DNAJB6: variants seen among roughly 807,000 people sequenced by gnomAD.
The protein encoded by DNAJB6 is dnaJ homolog subfamily B member 6.
In DNAJB6, 16 loss-of-function variants were observed where a neutral mutation model predicts 42.7. The ratio of observed to expected loss-of-function variants is 0.37; its 90% CI spans 0.25 to 0.57. The LOEUF is 0.57. Among genes scored for constraint, DNAJB6 ranks in the 20% least tolerant of loss-of-function variants. DNAJB6 has a pLI of 0.74. For synonymous variants in DNAJB6, 170 were observed against 163.5 expected, an observed-to-expected ratio of 1.04 and a Z score of -0.30; for missense variants, 347 against 416.8, an observed-to-expected ratio of 0.83 and a Z score of 1.46.
At chr7:157,363,728 A>G (rs1474773853) in intron 3 of DNAJB6, among the ~76,000 whole-genome samples, 1 of 152,198 alleles carries the variant, frequency 6.6e-6, no homozygotes, top group Non-Finnish European at 1.5e-5. Flanking sequence ...ACATACAGCT[A>G]AAATTTAGAT....
At chr7:157,351,369 C>G (rs372526379) in intron 1 of DNAJB6, among the ~76,000 whole-genome samples, 10 of 152,202 alleles carry the variant, frequency 6.6e-5, no homozygotes, top group Middle Eastern at 3.4e-3. Flanking sequence ...TGGCTCATGT[C>G]TGTAATCCCA....
At chr7:157,365,346 TG>T (rs1475435791) in intron 3 of DNAJB6, among the ~76,000 whole-genome samples, 1 of 152,192 alleles carries the variant, frequency 6.6e-6, no homozygotes, top group African/African-American at 2.4e-5. Flanking sequence ...AAGTAGCATT[TG>T]GAATGTAAGT....
At chr7:157,386,333 G>A (rs1034399956) in intron 8 of DNAJB6, 27 of 984,186 alleles carry the variant, frequency 2.7e-5, no homozygotes, top group Non-Finnish European at 3.3e-5. Flanking sequence ...GAGCTTTTTT[G>A]TGTCTGTGTA....
chr7:157,377,117 A>T (rs1800514079), intron 5 of DNAJB6, among the ~76,000 whole-genome samples: 1 of 152,230 alleles, frequency 6.6e-6, no homozygotes, highest in Non-Finnish European at 1.5e-5. Flanking sequence ...AATAGATGAC[A>T]AATGTTTCCT....
At chr7:157,390,370 A>G (rs1010025121) in intron 8 of DNAJB6, among the ~76,000 whole-genome samples, 4 of 152,200 alleles carry the variant, frequency 2.6e-5, no homozygotes, top group Admixed American at 2.6e-4. Flanking sequence ...AGTTGTTAAC[A>G]TCGCGTCCTT....
At chr7:157,338,151 C>G (rs1275819190) in intron 1 of DNAJB6, among the ~76,000 whole-genome samples, 2 of 152,134 alleles carry the variant, frequency 1.3e-5, no homozygotes, top group Admixed American at 1.3e-4. Flanking sequence ...GAGTGAAGAC[C>G]GAAGAAAGGA....
rs148965187 is a variant in DNAJB6, at chr7:157,411,387, GC to G, written c.898+1387del. ...TTCCCAGGATCCCTGCACTGAGCGGGCGTGGGGAAGGTTCCCAGGATCCCTG... is the reference window on the plus strand; with the variant it reads ...TTCCCAGGATCCCTGCACTGAGCGGGGTGGGGAAGGTTCCCAGGATCCCTG... On this transcript the variant is annotated intron_variant, in intron 9 of 9. Coordinates refer to ENST00000262177, the MANE Select transcript of DNAJB6 (RefSeq NM_058246.4). 237 of 146,466 alleles carry G rather than the reference GC, an allele frequency of 1.6e-3. 2 individuals are homozygous for G. The highest frequency in any genetic ancestry group is 5.5e-3 in the African/African-American group (215 of 39,134). The allele number at this position is 146,466 out of a possible 1,614,324, so 9.1% of individuals were successfully genotyped here. A position where few individuals can be genotyped will look rare whatever the true frequency, so the allele number is the denominator to read the frequency against.
intron 8 of DNAJB6, among the ~76,000 whole-genome samples, chr7:157,392,449 GT>G (rs1801394853): frequency 6.6e-6 from 1 of 151,268 alleles, no homozygotes; most frequent in South Asian, 2.1e-4. Flanking sequence ...GTGCGTGCGT[GT>G]GCCTGTTACA....
chr7:157,373,509 C>T (rs188452024), intron 5 of DNAJB6, among the ~76,000 whole-genome samples: 1 of 152,276 alleles, frequency 6.6e-6, no homozygotes, highest in East Asian at 1.9e-4. Context: ...CACCACCACA[C>T]CTGGCTAATG....
At chr7:157,411,981 G>A (rs1795991794) in intron 9 of DNAJB6, 2 of 152,214 alleles carry the variant, frequency 1.3e-5, no homozygotes, top group African/African-American at 2.4e-5. Context: ...GTTTCTGCCC[G>A]GATCCTCTTT....
At chr7:157,351,057 C>G (rs1323861703) in intron 1 of DNAJB6, among the ~76,000 whole-genome samples, 1 of 152,020 alleles carries the variant, frequency 6.6e-6, no homozygotes, top group Non-Finnish European at 1.5e-5. Flanking sequence ...GCCTCAGCCT[C>G]CTGAGTAGCT....
intron 1 of DNAJB6, among the ~76,000 whole-genome samples, chr7:157,348,302 C>T (rs1798792088): frequency 6.6e-6 from 1 of 152,162 alleles, no homozygotes; most frequent in Non-Finnish European, 1.5e-5. Flanking sequence ...CCATGTTGGC[C>T]AGGCTGGTCT....
In DNAJB6 at chr7:157,416,606, C is replaced by T. The variant is rs1218163075; in HGVS notation, c.*508C>T. 6.5e-6 allele frequency: 1 copy of T among 153,366 alleles called. No homozygotes were observed. Among genetic ancestry groups the T allele is most frequent in the African/African-American group, 2.4e-5 (1 of 41,492 alleles). 9.5% of individuals were successfully genotyped at this position (153,366 alleles called of 1,614,324 possible). A position where few individuals can be genotyped will look rare whatever the true frequency, so the allele number is the denominator to read the frequency against. On this transcript the variant is annotated 3_prime_UTR_variant, in exon 10 of 10. Transcript: ENST00000262177. ...GCACCTTTTCCTCAGAGCAATCCGG[C>T]CACACGAATAGAAGGCTGTCGTGAA...
intron 1 of DNAJB6, among the ~76,000 whole-genome samples, chr7:157,352,816 G>A (rs1182028254): frequency 6.6e-6 from 1 of 152,136 alleles, no homozygotes; most frequent in Non-Finnish European, 1.5e-5. Flanking sequence ...GGGTGGGGAA[G>A]CAACCACAGT....
intron 8 of DNAJB6, among the ~76,000 whole-genome samples, chr7:157,409,197 G>T (rs559742093): frequency 6.6e-6 from 1 of 152,090 alleles, no homozygotes; most frequent in Non-Finnish European, 1.5e-5. Context: ...ATTAATAAAA[G>T]CACAACTTTT....
At chr7:157,404,527 T>C (rs1186863266) in intron 8 of DNAJB6, among the ~76,000 whole-genome samples, 1 of 149,236 alleles carries the variant, frequency 6.7e-6, no homozygotes, top group Non-Finnish European at 1.5e-5. Context: ...TTTTTTTTTT[T>C]TGGTAAGGAG....
chr7:157,344,202 G>A (rs150211801), intron 1 of DNAJB6, among the ~76,000 whole-genome samples: 133 of 152,288 alleles, frequency 8.7e-4, no homozygotes, highest in African/African-American at 3.0e-3. Context: ...TCAGCTGGGC[G>A]TGGTGACAGG....
In DNAJB6 at chr7:157,340,987, T is replaced by TGC. The variant is rs1332979930; in HGVS notation, c.-27+3844_-27+3845insCG. On this transcript the variant is annotated intron_variant, in intron 1 of 9. Coordinates refer to ENST00000262177, the MANE Select transcript of DNAJB6 (RefSeq NM_058246.4). ...GGCTGTGTGTGTGTGTGTGTGTGTG[T>TGC]GTGTGTGTGTGCGCGCGCGCAGGTG... 1.0e-3 allele frequency among the ~76,000 whole-genome samples: 86 copies of TGC among 86,198 alleles called. 1 individual carries two copies. The Admixed American group carries it at 0.01, about 10-fold the overall frequency. 56.5% of individuals were successfully genotyped at this position (86,198 alleles called of 152,430 possible). A position where few individuals can be genotyped will look rare whatever the true frequency, so the allele number is the denominator to read the frequency against.
intron 8 of DNAJB6, among the ~76,000 whole-genome samples, chr7:157,389,573 G>A (rs1801238577): frequency 1.3e-5 from 2 of 152,196 alleles, no homozygotes. Context: ...CAAAGCCTTT[G>A]GATATGGTAT....
Sources: gnomAD v4.1 joint callset for allele counts (sites outside exome capture counted in the v4.1 genomes callset) on GRCh38, gnomAD v4.1.1 for gene constraint, MANE v1.5 for transcripts, NCBI Gene and HGNC (gene_info 2026-07-23, HGNC 2026-07-21) for gene names.